MAP3K2: variants seen among roughly 807,000 people sequenced by gnomAD.
MAP3K2 encodes mitogen-activated protein kinase kinase kinase 2.
MAP3K2 carries 24 observed loss-of-function variants against 80.3 expected under a neutral mutation model. That is an observed-to-expected ratio of 0.30 (90% confidence interval 0.22 to 0.42). MAP3K2 has a LOEUF of 0.42. Among genes scored for constraint, MAP3K2 ranks in the 10% least tolerant of loss-of-function variants. The probability of loss-of-function intolerance (pLI) is 1.00; values close to 1 mark genes in which losing one functional copy is unlikely to be tolerated. For missense variants in MAP3K2, 608 were observed against 750.1 expected (o/e 0.81, Z 2.21); for synonymous variants, 244 against 253.7 (o/e 0.96, Z 0.36).
intron 1 of MAP3K2, among the ~76,000 whole-genome samples, chr2:127,370,289 T>C (rs1687041349): frequency 6.6e-6 from 1 of 152,192 alleles, no homozygotes; most frequent in Admixed American, 6.5e-5. Context: ...CCCAGTCCCC[T>C]AGCCCACTCT....
chr2:127,374,014 C>A (rs1343222602), intron 1 of MAP3K2, among the ~76,000 whole-genome samples: 1 of 152,166 alleles, frequency 6.6e-6, no homozygotes, highest in African/African-American at 2.4e-5. Context: ...ATAGTTCAAT[C>A]CCCCATACCT....
At chr2:127,375,123 G>A (rs918638296) in intron 1 of MAP3K2, among the ~76,000 whole-genome samples, 1 of 152,168 alleles carries the variant, frequency 6.6e-6, no homozygotes, top group Non-Finnish European at 1.5e-5. Flanking sequence ...TGTTAACGTG[G>A]GGGAGAGGAT....
At chr2:127,327,748 A>C (rs566740407) in intron 7 of MAP3K2, among the ~76,000 whole-genome samples, 2 of 152,344 alleles carry the variant, frequency 1.3e-5, no homozygotes, top group African/African-American at 4.8e-5. Flanking sequence ...CCAACATATA[A>C]GAAAAATAGA....
chr2:127,310,739 A>AT lies in MAP3K2; in HGVS notation c.1457-1978dup, dbSNP rs1685794356. Among the ~76,000 whole-genome samples the AT allele has an allele frequency of 6.6e-6, 1 of 151,098 alleles. No homozygotes were observed. The highest frequency in any genetic ancestry group is 2.4e-5 in the African/African-American group (1 of 41,098). ...TCACTCTTATCATTTTAAAAACTCTATTTTTTCTGGGATTATAAATCTAGT... is the reference window on the plus strand; with the variant it reads ...TCACTCTTATCATTTTAAAAACTCTATTTTTTTCTGGGATTATAAATCTAGT... On this transcript the variant is annotated intron_variant, in intron 15 of 16. Transcript: ENST00000682094. This position sits in a 1 kb window ranked among gnomAD's most constrained non-coding sequence, Gnocchi z 4.8.
In MAP3K2 at chr2:127,387,629, G is replaced by C. The variant is rs1687394376; in HGVS notation, c.-243C>G. ...GGGCGCGGGCCTTGGGGCCAGGCCCGTCCCTCTTTCACATGAAGCCCGGGC... is the reference window on the plus strand; with the variant it reads ...GGGCGCGGGCCTTGGGGCCAGGCCCCTCCCTCTTTCACATGAAGCCCGGGC... On this transcript the variant is annotated 5_prime_UTR_variant, in exon 1 of 17. Coordinates refer to ENST00000682094, the MANE Select transcript of MAP3K2 (RefSeq NM_001371910.2). 9.1e-6 allele frequency: 9 copies of C among 984,862 alleles called. No individual in the cohort carries two copies. In the South Asian group the frequency reaches 1.9e-4, roughly 21 times the overall value. The allele number at this position is 984,862 out of a possible 1,614,324, so 61.0% of individuals were successfully genotyped here. A position where few individuals can be genotyped will look rare whatever the true frequency, so the allele number is the denominator to read the frequency against.
intron 1 of MAP3K2, among the ~76,000 whole-genome samples, chr2:127,365,041 C>T (rs1686946686): frequency 1.7e-5 from 2 of 115,406 alleles, no homozygotes; most frequent in East Asian, 6.0e-4. Flanking sequence ...GGTTTGAGCC[C>T]AGGAGGCAGA....
At chr2:127,318,770 CAT>C (rs1195780100) in intron 12 of MAP3K2, among the ~76,000 whole-genome samples, 1 of 152,128 alleles carries the variant, frequency 6.6e-6, no homozygotes, top group Non-Finnish European at 1.5e-5. Flanking sequence ...TTGTTGAACA[CAT>C]ATCAAAAAAC....
intron 1 of MAP3K2, among the ~76,000 whole-genome samples, chr2:127,351,225 T>G (rs1686686138): frequency 6.6e-6 from 1 of 152,162 alleles, no homozygotes; most frequent in Non-Finnish European, 1.5e-5. Flanking sequence ...GTGGATTAGA[T>G]GATATAATCC....
chr2:127,300,710 G>A lies in MAP3K2; in HGVS notation c.*6869C>T, dbSNP rs1195984487. The stretch of plus-strand genomic sequence containing the variant: ...AAAACAATTGTTGGTCTTTAAAGAA[G>A]TATTCTTATCCTTAGACACTGTACT... On this transcript the variant is annotated 3_prime_UTR_variant, in exon 17 of 17. Transcript: ENST00000682094. 1 of 152,160 alleles carries A rather than the reference G, an allele frequency of 6.6e-6. No individual in the cohort carries two copies. Among genetic ancestry groups the A allele is most frequent in the Non-Finnish European group, 1.5e-5 (1 of 68,010 alleles). The allele number at this position is 152,160 out of a possible 1,614,324, so 9.4% of individuals were successfully genotyped here.
chr2:127,342,388 G>GGGGGGTGTGTGTGTGT (rs143219830), intron 2 of MAP3K2, among the ~76,000 whole-genome samples: 23 of 147,742 alleles, frequency 1.6e-4, no homozygotes, highest in African/African-American at 5.8e-4. Flanking sequence ...TCTTCATGAG[G>GGGGGGTGTGTGTGTGT]GTGTGTGTGT....
chr2:127,388,193 C>T, upstream of MAP3K2: 1 of 985,042 alleles, frequency 1.0e-6, no homozygotes, highest in Non-Finnish European at 1.2e-6. Flanking sequence ...CGGCCCCGCC[C>T]CCGCCCCTGC....
chr2:127,341,198 C>G (rs572307612), intron 2 of MAP3K2, among the ~76,000 whole-genome samples: 1 of 152,026 alleles, frequency 6.6e-6, no homozygotes, highest in Non-Finnish European at 1.5e-5. Flanking sequence ...ACCGAGTTAG[C>G]CAGGTTGGTC....
chr2:127,348,108 T>G (rs965837550), intron 1 of MAP3K2, among the ~76,000 whole-genome samples: 1 of 152,120 alleles, frequency 6.6e-6, no homozygotes, highest in Non-Finnish European at 1.5e-5. Context: ...TGACCATGTG[T>G]GGTGGCTTAC....
chr2:127,340,582 A>G (rs951592109), intron 2 of MAP3K2, among the ~76,000 whole-genome samples: 1 of 151,972 alleles, frequency 6.6e-6, no homozygotes, highest in Non-Finnish European at 1.5e-5. Flanking sequence ...TCTTGAACCC[A>G]GGAGGCAGAG....
chr2:127,378,679 A>G (rs1275321135), intron 1 of MAP3K2, among the ~76,000 whole-genome samples: 1 of 152,230 alleles, frequency 6.6e-6, no homozygotes, highest in East Asian at 1.9e-4. Flanking sequence ...CAACTGTAAA[A>G]GACTAGGAGG....
intron 1 of MAP3K2, among the ~76,000 whole-genome samples, chr2:127,385,791 T>C (rs1452913353): frequency 6.6e-6 from 1 of 152,202 alleles, no homozygotes; most frequent in Non-Finnish European, 1.5e-5. Flanking sequence ...TGACTTTATT[T>C]TAATACAGCA....
At chr2:127,330,353 T>A (rs1686229739) in intron 6 of MAP3K2, 39 bp downstream of exon 6, 1 of 963,042 alleles carries the variant, frequency 1.0e-6, no homozygotes, top group Non-Finnish European at 1.6e-6. Context: ...CAAGCCTAAG[T>A]CCTATAATTC....
chr2:127,388,015 T>TGC, upstream of MAP3K2: 2 of 982,912 alleles, frequency 2.0e-6, no homozygotes, highest in Non-Finnish European at 2.4e-6. Flanking sequence ...CGCTCGCTCG[T>TGC]GCGCGCGCAC....
At chr2:127,324,824 A>G (rs1686098285) in intron 9 of MAP3K2, among the ~76,000 whole-genome samples, 1 of 152,198 alleles carries the variant, frequency 6.6e-6, no homozygotes, top group Non-Finnish European at 1.5e-5. Flanking sequence ...GAGGATTACC[A>G]AGAATACTGT....
Sources: gnomAD v4.1 joint callset for allele counts (sites outside exome capture counted in the v4.1 genomes callset) on GRCh38, gnomAD v4.1.1 for gene constraint, Gnocchi (gnomAD v3.1) non-coding constraint, MANE v1.5 for transcripts, NCBI Gene and HGNC (gene_info 2026-07-23, HGNC 2026-07-21) for gene names.